Variants in COL4A2 observed in about 807,000 individuals in gnomAD.
COL4A2 encodes the protein collagen type IV alpha 2 chain, also known as collagen alpha-2(IV) chain.
A neutral mutation model predicts 200.2 loss-of-function variants in COL4A2; 99 were observed. The ratio of observed to expected loss-of-function variants is 0.49; its 90% CI spans 0.42 to 0.58. The LOEUF (loss-of-function observed/expected upper bound fraction) is 0.58, where lower values mean the gene tolerates loss of function less well. COL4A2 is among the 20% of genes least tolerant of loss of function. The pLI, the probability that COL4A2 is intolerant of heterozygous loss-of-function variation, is 0.00. For synonymous variants in COL4A2, 897 were observed against 900.6 expected (o/e 1.00, Z 0.07); for missense variants, 1,950 against 2,314.1 (o/e 0.84, Z 3.23).
intron 16 of COL4A2, among the ~76,000 whole-genome samples, chr13:110,444,190 C>T (rs1881238540): frequency 6.6e-6 from 1 of 152,176 alleles, no homozygotes; most frequent in Non-Finnish European, 1.5e-5. Flanking sequence ...TTCAAAGTGC[C>T]CATGCTGTCT....
At chr13:110,343,524 C>T (rs1396897749) in intron 3 of COL4A2, among the ~76,000 whole-genome samples, 1 of 152,194 alleles carries the variant, frequency 6.6e-6, no homozygotes, top group Non-Finnish European at 1.5e-5. Context: ...GGCAGAAATT[C>T]AGAAATTCTA....
chr13:110,370,388 C>T (rs1287379187), intron 4 of COL4A2, among the ~76,000 whole-genome samples: 1 of 151,978 alleles, frequency 6.6e-6, no homozygotes, highest in Non-Finnish European at 1.5e-5. Context: ...CTCAGCCTCC[C>T]GAGTAGCTGG....
At chr13:110,478,394 C>T (rs932204408) in intron 30 of COL4A2, among the ~76,000 whole-genome samples, 5 of 152,134 alleles carry the variant, frequency 3.3e-5, no homozygotes, top group Non-Finnish European at 5.9e-5. Context: ...GGGAAGGTCT[C>T]ATCGGGAAAA....
intron 3 of COL4A2, among the ~76,000 whole-genome samples, chr13:110,351,471 G>T (rs775604227): frequency 2.6e-5 from 4 of 152,144 alleles, no homozygotes; most frequent in Non-Finnish European, 4.4e-5. Context: ...AGAATGACCG[G>T]TCCTTCATCT....
chr13:110,402,400 C>T (rs1216612097), intron 4 of COL4A2, among the ~76,000 whole-genome samples: 2 of 152,176 alleles, frequency 1.3e-5, no homozygotes, highest in Non-Finnish European at 2.9e-5. Context: ...GGGCAAAGAA[C>T]ATTCGATTTT....
intron 24 of COL4A2, among the ~76,000 whole-genome samples, chr13:110,464,051 G>T (rs1046700212): frequency 4.6e-5 from 7 of 152,180 alleles, no homozygotes; most frequent in Non-Finnish European, 7.3e-5. Context: ...GGGGTGGTGA[G>T]TGTATGTGTG....
At chr13:110,403,117 G>A (rs145804113) in intron 4 of COL4A2, among the ~76,000 whole-genome samples, 2 of 152,232 alleles carry the variant, frequency 1.3e-5, no homozygotes, top group South Asian at 2.1e-4. Context: ...GTCTTGATTA[G>A]CAGCATCTGG....
chr13:110,490,825 T>C (rs760039909), intron 36 of COL4A2, among the ~76,000 whole-genome samples: 9 of 152,308 alleles, frequency 5.9e-5, no homozygotes, highest in South Asian at 4.1e-4. Context: ...ACCCAAGAAT[T>C]ATTTTTGCTG....
At chr13:110,380,499 C>T (rs1372039457) in intron 4 of COL4A2, among the ~76,000 whole-genome samples, 5 of 152,184 alleles carry the variant, frequency 3.3e-5, no homozygotes, top group African/African-American at 1.2e-4. Context: ...GCTGACTCAT[C>T]GGATTCTCAC....
chr13:110,489,948 T>G (rs528767535), intron 36 of COL4A2, among the ~76,000 whole-genome samples, 163 bp downstream of exon 36: 1 of 152,324 alleles, frequency 6.6e-6, no homozygotes, highest in Non-Finnish European at 1.5e-5. Flanking sequence ...CGTTTTTAAT[T>G]AAGTTAAATC....
intron 15 of COL4A2, 96 bp downstream of exon 15, chr13:110,438,764 T>G: frequency 1.3e-6 from 2 of 1,509,558 alleles, no homozygotes; most frequent in Non-Finnish European, 1.8e-6. Context: ...ACAGCAAAAT[T>G]TAGCAGAAAG....
At chr13:110,395,911 C>G (rs1236899778) in intron 4 of COL4A2, among the ~76,000 whole-genome samples, 1 of 152,208 alleles carries the variant, frequency 6.6e-6, no homozygotes, top group African/African-American at 2.4e-5. Context: ...CGCCACAGCA[C>G]TTTAGTCTGG....
At chr13:110,475,192 A>ATC (rs1882663888) in intron 29 of COL4A2, among the ~76,000 whole-genome samples, 1 of 152,234 alleles carries the variant, frequency 6.6e-6, no homozygotes, top group Non-Finnish European at 1.5e-5. Flanking sequence ...GGCCATCCAG[A>ATC]TCTCCCCTTT....
chr13:110,361,870 C>A (rs1215528393), intron 4 of COL4A2, among the ~76,000 whole-genome samples: 1 of 152,224 alleles, frequency 6.6e-6, no homozygotes, highest in Non-Finnish European at 1.5e-5. Flanking sequence ...CTGGGAGGAG[C>A]TGAGCCAGGA....
At chr13:110,318,007 A>C (rs1885185656) in intron 3 of COL4A2, among the ~76,000 whole-genome samples, 1 of 152,132 alleles carries the variant, frequency 6.6e-6, no homozygotes, top group African/African-American at 2.4e-5. Flanking sequence ...GCTGTTTTTC[A>C]TGGAAGTCCC....
At chr13:110,467,837 G>C (rs1882307381) in intron 27 of COL4A2, among the ~76,000 whole-genome samples, 1 of 152,258 alleles carries the variant, frequency 6.6e-6, no homozygotes, top group Non-Finnish European at 1.5e-5. Context: ...ATCAGCCTGA[G>C]AAAAGCAAGT....
At position 110,503,298 on chromosome 13, in the gene COL4A2, G is replaced by A. The variant is rs772155338; in HGVS notation, c.4039+16G>A. On this transcript the variant is annotated intron_variant, in intron 42 of 47. Coordinates refer to ENST00000360467, the MANE Select transcript of COL4A2 (RefSeq NM_001846.4). ...GGAGAAAAAGGTAACAGTGCCCATG[G>A]CCATGGGCCAGCAGCCCTGGCCACA... is the stretch of plus-strand genomic sequence containing the variant. 3 of 1,598,032 alleles carry A rather than the reference G, an allele frequency of 1.9e-6. No homozygotes were observed. The highest frequency in any genetic ancestry group is 1.7e-6 in the Non-Finnish European group (2 of 1,173,000).
At chr13:110,317,100 G>GAC (rs916018841) in intron 3 of COL4A2, among the ~76,000 whole-genome samples, 4 of 147,462 alleles carry the variant, frequency 2.7e-5, no homozygotes, top group Non-Finnish European at 6.0e-5. Context: ...CACACATACA[G>GAC]ACACACACAT....
chr13:110,307,285 A>G lies in COL4A2; in HGVS notation c.-288A>G. On this transcript the variant is annotated 5_prime_UTR_variant, in exon 1 of 48. Coordinates refer to ENST00000360467, the MANE Select transcript of COL4A2 (RefSeq NM_001846.4). This position sits in a 1 kb window ranked among gnomAD's most constrained non-coding sequence, Gnocchi z 5.0. ...AGGCGGCGGGAGCGCGCGGCCCGGG[A>G]GTGTGGCTGCAGTGCGCCGGGACAC... 2.5e-6 allele frequency: 1 copy of G among 396,274 alleles called. No homozygotes were observed. The highest frequency in any genetic ancestry group is 4.5e-6 in the Non-Finnish European group (1 of 224,396). 24.5% of individuals were successfully genotyped at this position (396,274 alleles called of 1,614,324 possible).
Sources: allele counts gnomAD v4.1 joint callset (sites outside exome capture counted in the v4.1 genomes callset), GRCh38; gene constraint gnomAD v4.1.1; non-coding constraint Gnocchi (gnomAD v3.1); transcripts MANE v1.5; gene names NCBI Gene and HGNC (gene_info 2026-07-23, HGNC 2026-07-21).